KCNC2: variants seen among roughly 807,000 people sequenced by gnomAD.
The protein encoded by KCNC2 is voltage-gated potassium channel KCNC2.
KCNC2 carries 21 observed loss-of-function variants against 44.5 expected under a neutral mutation model. The observed-to-expected ratio is 0.47, with a 90% CI of 0.33 to 0.68. The LOEUF is 0.68. Among genes scored for constraint, KCNC2 ranks in the 30% least tolerant of loss-of-function variants. The pLI, the probability that KCNC2 is intolerant of heterozygous loss-of-function variation, is 0.01. For missense variants in KCNC2, 589 were observed against 826.2 expected, an observed-to-expected ratio of 0.71 and a Z score of 3.52; for synonymous variants, 391 against 339.1, an observed-to-expected ratio of 1.15 and a Z score of -1.68.
chr12:75,109,399 A>G (rs2137226787), intron 2 of KCNC2, among the ~76,000 whole-genome samples: 1 of 152,230 alleles, frequency 6.6e-6, no homozygotes, highest in South Asian at 2.1e-4. Flanking sequence ...GATTATTTAG[A>G]CCGTGTGGCA....
At chr12:75,159,878 G>C (rs1430996462) in intron 2 of KCNC2, among the ~76,000 whole-genome samples, 2 of 151,836 alleles carry the variant, frequency 1.3e-5, no homozygotes, top group East Asian at 3.9e-4. Context: ...TATACTATGA[G>C]TTAATTGAGG....
intron 4 of KCNC2, among the ~76,000 whole-genome samples, chr12:75,046,781 C>A (rs533692998): frequency 6.6e-6 from 1 of 151,720 alleles, no homozygotes; most frequent in East Asian, 1.9e-4. Context: ...GAAATAGATG[C>A]AAACAATGGA....
At chr12:75,088,857 T>TAA (rs1885243448) in intron 2 of KCNC2, among the ~76,000 whole-genome samples, 1 of 151,908 alleles carries the variant, frequency 6.6e-6, no homozygotes, top group South Asian at 2.1e-4. Flanking sequence ...GATCTATATA[T>TAA]AAAACAACTA....
chr12:75,059,684 T>G (rs887910403), intron 2 of KCNC2, among the ~76,000 whole-genome samples: 6 of 152,122 alleles, frequency 3.9e-5, no homozygotes, highest in African/African-American at 1.4e-4. Flanking sequence ...AAACTAGTGA[T>G]TCTATACAAG....
chr12:75,157,989 A>G (rs1464208046), intron 2 of KCNC2, among the ~76,000 whole-genome samples: 1 of 151,918 alleles, frequency 6.6e-6, no homozygotes, highest in Non-Finnish European at 1.5e-5. Flanking sequence ...CATTTGCGGC[A>G]GGTCACTGAT....
intron 2 of KCNC2, among the ~76,000 whole-genome samples, chr12:75,174,266 CTT>C (rs2137599334): frequency 6.6e-6 from 1 of 151,498 alleles, no homozygotes; most frequent in South Asian, 2.1e-4. Context: ...AAATAACAAA[CTT>C]GAACATTCTG....
intron 2 of KCNC2, among the ~76,000 whole-genome samples, chr12:75,147,681 G>C (rs781733895): frequency 8.5e-5 from 13 of 152,244 alleles, no homozygotes; most frequent in Non-Finnish European, 1.2e-4. Context: ...GCACAGACAT[G>C]ACACATGGCT....
intron 2 of KCNC2, among the ~76,000 whole-genome samples, chr12:75,135,870 G>A (rs1889191775): frequency 6.6e-6 from 1 of 151,880 alleles, no homozygotes; most frequent in African/African-American, 2.4e-5. Flanking sequence ...TGTACCCAGA[G>A]CATGGCCATA....
chr12:75,043,036 T>C lies in KCNC2; in HGVS notation c.*69A>G. On this transcript the variant is annotated 3_prime_UTR_variant, in exon 5 of 5. Coordinates refer to ENST00000549446, the MANE Select transcript of KCNC2 (RefSeq NM_139137.4). ...CTGGAGTAACTCTACATTTAATTAT[T>C]TCCATTATGGGGTAAACAGCACTTG... The C allele has an allele frequency of 6.3e-7, 1 of 1,587,270 alleles. No individual in the cohort carries two copies.
chr12:75,073,403 CT>C (rs1442602179), intron 2 of KCNC2, among the ~76,000 whole-genome samples: 1 of 152,090 alleles, frequency 6.6e-6, no homozygotes, highest in Non-Finnish European at 1.5e-5. Flanking sequence ...AGCCAGTTTT[CT>C]TTGTAATTTT....
intron 2 of KCNC2, among the ~76,000 whole-genome samples, chr12:75,104,108 C>T (rs545223770): frequency 9.9e-4 from 150 of 151,484 alleles, no homozygotes; most frequent in Non-Finnish European, 1.7e-3. Context: ...AGGTGAGTGG[C>T]ATAGGTATTG....
At chr12:75,204,880 G>A (rs1029046778) in intron 2 of KCNC2, among the ~76,000 whole-genome samples, 1 of 152,020 alleles carries the variant, frequency 6.6e-6, no homozygotes, top group Non-Finnish European at 1.5e-5. Flanking sequence ...ACCCACAAAA[G>A]AAAGCCAAAT....
intron 2 of KCNC2, among the ~76,000 whole-genome samples, chr12:75,128,965 C>T (rs574404781): frequency 6.6e-6 from 1 of 152,202 alleles, no homozygotes. Context: ...GGAACATATT[C>T]TTTACTGACT....
At chr12:75,204,852 G>A (rs536312718) in intron 2 of KCNC2, among the ~76,000 whole-genome samples, 3 of 152,114 alleles carry the variant, frequency 2.0e-5, no homozygotes, top group African/African-American at 7.2e-5. Flanking sequence ...TTTGAAAAGG[G>A]ATTTCCCTGA....
In KCNC2 at chr12:75,202,914, G is replaced by A. The variant is rs542472000; in HGVS notation, c.687+4383C>T. On this transcript the variant is annotated intron_variant, in intron 2 of 4. Transcript: ENST00000549446. Reference sequence around the variant, plus strand: ...GAAACGTTTTATTACAAATAGAGAGGTGAGCTCATTGAAGGCAAAGGATTA... The same window carrying A: ...GAAACGTTTTATTACAAATAGAGAGATGAGCTCATTGAAGGCAAAGGATTA... 1.4e-3 allele frequency among the ~76,000 whole-genome samples: 216 copies of A among 151,268 alleles called. 1 individual carries two copies. In the Middle Eastern group the frequency reaches 0.02, roughly 14 times the overall value.
chr12:75,046,961 G>A (rs1880592847), intron 4 of KCNC2, among the ~76,000 whole-genome samples: 1 of 151,908 alleles, frequency 6.6e-6, no homozygotes, highest in Non-Finnish European at 1.5e-5. Flanking sequence ...AAGAAAAAGA[G>A]ATTCACAAAA....
intron 2 of KCNC2, among the ~76,000 whole-genome samples, chr12:75,195,824 C>T (rs2030713031): frequency 6.6e-6 from 1 of 152,082 alleles, no homozygotes; most frequent in Non-Finnish European, 1.5e-5. Flanking sequence ...CTCTCCATTA[C>T]CAGCAGAGAA....
intron 2 of KCNC2, among the ~76,000 whole-genome samples, chr12:75,126,045 C>T (rs1888398967): frequency 6.6e-6 from 1 of 152,038 alleles, no homozygotes; most frequent in Admixed American, 6.6e-5. Context: ...TAACTAAGAA[C>T]AAAAGATCCA....
At chr12:75,167,672 T>C (rs1391774242) in intron 2 of KCNC2, among the ~76,000 whole-genome samples, 1 of 151,430 alleles carries the variant, frequency 6.6e-6, no homozygotes, top group Non-Finnish European at 1.5e-5. Flanking sequence ...ACTGATCCAT[T>C]GTGTTTGAAG....
Sources: gnomAD v4.1 joint callset for allele counts (sites outside exome capture counted in the v4.1 genomes callset) on GRCh38, gnomAD v4.1.1 for gene constraint, MANE v1.5 for transcripts, NCBI Gene and HGNC (gene_info 2026-07-23, HGNC 2026-07-21) for gene names.